STPG2: variants seen among roughly 807,000 people sequenced by gnomAD.
STPG2 encodes sperm tail PG-rich repeat containing 2, also known as sperm-tail PG-rich repeat-containing protein 2.
STPG2 carries 56 observed loss-of-function variants against 54.2 expected under a neutral mutation model. The observed-to-expected ratio is 1.03, with a 90% CI of 0.83 to 1.29. STPG2 has a LOEUF of 1.29. Ranked by LOEUF, STPG2 falls within the 50% of genes most tolerant of loss-of-function variation. STPG2 has a pLI of 0.00. For synonymous variants in STPG2, 200 were observed against 181.8 expected (o/e 1.10, Z -0.81); for missense variants, 596 against 544.9 (o/e 1.09, Z -0.93).
intron 8 of STPG2, among the ~76,000 whole-genome samples, chr4:97,859,850 G>A (rs1729460669): frequency 6.6e-6 from 1 of 152,110 alleles, no homozygotes; most frequent in African/African-American, 2.4e-5. Flanking sequence ...GAATTTTTAT[G>A]GTTTCAGGTC....
At chr4:97,892,293 T>C (rs937740472) in intron 8 of STPG2, among the ~76,000 whole-genome samples, 3 of 152,120 alleles carry the variant, frequency 2.0e-5, no homozygotes, top group Admixed American at 2.0e-4. Flanking sequence ...CAGGAGTCCA[T>C]ACTGACTTGT....
intron 4 of STPG2, among the ~76,000 whole-genome samples, chr4:97,472,875 G>A (rs1443995733): frequency 6.6e-6 from 1 of 152,198 alleles, no homozygotes; most frequent in East Asian, 1.9e-4. Flanking sequence ...AGCCATGTTA[G>A]AAGAACATAG....
intron 9 of STPG2, among the ~76,000 whole-genome samples, chr4:97,765,221 G>A (rs1726005990): frequency 6.6e-6 from 1 of 152,004 alleles, no homozygotes; most frequent in Admixed American, 6.6e-5. Flanking sequence ...ATAATAATAG[G>A]CACATTCTAC....
intron 4 of STPG2, among the ~76,000 whole-genome samples, chr4:97,519,017 A>C (rs551139546): frequency 3.3e-5 from 5 of 152,256 alleles, no homozygotes; most frequent in South Asian, 4.1e-4. Flanking sequence ...TTTAGATTCT[A>C]AGGGACAGTA....
intron 9 of STPG2, among the ~76,000 whole-genome samples, chr4:97,799,776 GT>G (rs34172336): frequency 0.39 from 59,846 of 151,948 alleles, 11,916 homozygotes; most frequent in Middle Eastern, 0.46. Context: ...TCTGCAGAGT[GT>G]TTTCCAGCTT....
At chr4:97,717,580 C>T (rs1724329914) in intron 9 of STPG2, among the ~76,000 whole-genome samples, 1 of 152,076 alleles carries the variant, frequency 6.6e-6, no homozygotes, top group Non-Finnish European at 1.5e-5. Context: ...TATCTGTGTA[C>T]CTCTAATACA....
chr4:97,914,250 T>G (rs2149202737), intron 8 of STPG2, among the ~76,000 whole-genome samples: 1 of 152,104 alleles, frequency 6.6e-6, no homozygotes, highest in East Asian at 1.9e-4. Flanking sequence ...TCTTTTAAGG[T>G]AAACACAACT....
chr4:97,456,780 G>C (rs774685041), intron 4 of STPG2, among the ~76,000 whole-genome samples: 1 of 150,556 alleles, frequency 6.6e-6, no homozygotes, highest in Non-Finnish European at 1.5e-5. Flanking sequence ...CCTGTAGTCC[G>C]AGCTACTCAG....
At chr4:97,965,600 G>A (rs1318582568) in intron 7 of STPG2, among the ~76,000 whole-genome samples, 14 of 152,178 alleles carry the variant, frequency 9.2e-5, no homozygotes, top group Non-Finnish European at 2.1e-4. Context: ...CGGGCTAACA[G>A]ACAGCTCATA....
intron 4 of STPG2, among the ~76,000 whole-genome samples, chr4:97,477,634 G>A (rs1730107862): frequency 6.7e-6 from 1 of 149,292 alleles, no homozygotes; most frequent in Non-Finnish European, 1.5e-5. Context: ...CTGCCACCAT[G>A]CCCGGCTAAT....
At chr4:97,705,810 G>A (rs1723922628) in intron 10 of STPG2, among the ~76,000 whole-genome samples, 2 of 151,404 alleles carry the variant, frequency 1.3e-5, no homozygotes. Context: ...TTTCATTTTG[G>A]ACTCAGAGCC....
At chr4:97,989,060 G>A (rs1578759687) in intron 5 of STPG2, among the ~76,000 whole-genome samples, 1 of 152,212 alleles carries the variant, frequency 6.6e-6, no homozygotes, top group East Asian at 1.9e-4. Context: ...ATTCTAAAAA[G>A]TTATCCAAAA....
At chr4:97,803,477 T>C (rs952847722) in intron 9 of STPG2, among the ~76,000 whole-genome samples, 4 of 152,076 alleles carry the variant, frequency 2.6e-5, no homozygotes, top group African/African-American at 4.8e-5. Flanking sequence ...GGGGAGGATC[T>C]ATTCCAAGCA....
intron 10 of STPG2, among the ~76,000 whole-genome samples, chr4:97,578,923 A>G (rs930762723): frequency 2.0e-5 from 3 of 152,122 alleles, no homozygotes; most frequent in Non-Finnish European, 4.4e-5. Flanking sequence ...AATGTCTGGG[A>G]GCAGAATTAA....
intron 4 of STPG2, among the ~76,000 whole-genome samples, chr4:97,521,927 T>C (rs1392888606): frequency 1.3e-5 from 2 of 151,812 alleles, no homozygotes; most frequent in Non-Finnish European, 2.9e-5. Context: ...CTGGGCAACA[T>C]AGCAAGATAC....
chr4:98,025,515 A>G, intron 5 of STPG2: 1 of 646,298 alleles, frequency 1.5e-6, no homozygotes, highest in South Asian at 1.5e-5. Flanking sequence ...AAAAATAAAT[A>G]TAAAACACCC....
At chr4:97,527,734 T>C (rs1386228509) in intron 4 of STPG2, among the ~76,000 whole-genome samples, 1 of 152,214 alleles carries the variant, frequency 6.6e-6, no homozygotes, top group Non-Finnish European at 1.5e-5. Flanking sequence ...TTGATATGCA[T>C]TTCTCTAATG....
At chr4:98,123,870 T>C (rs893597555) in intron 3 of STPG2, among the ~76,000 whole-genome samples, 2 of 152,196 alleles carry the variant, frequency 1.3e-5, no homozygotes, top group Non-Finnish European at 2.9e-5. Context: ...GGTTCTCCTG[T>C]ATTGGGCCCA....
chr4:98,056,817 G>A (rs1737499368), intron 5 of STPG2, among the ~76,000 whole-genome samples: 2 of 151,886 alleles, frequency 1.3e-5, no homozygotes, highest in African/African-American at 4.8e-5. Flanking sequence ...AGATTTGGTT[G>A]TTTAAAAGTG....
Sources: allele counts gnomAD v4.1 joint callset (sites outside exome capture counted in the v4.1 genomes callset), GRCh38; gene constraint gnomAD v4.1.1; transcripts MANE v1.5; gene names NCBI Gene and HGNC (gene_info 2026-07-23, HGNC 2026-07-21).